RAPGEF5: variants seen among roughly 807,000 people sequenced by gnomAD.
The protein encoded by RAPGEF5 is Rap guanine nucleotide exchange factor 5, also known as M-Ras-regulated GEF.
RAPGEF5 carries 65 observed loss-of-function variants against 125.2 expected under a neutral mutation model. That is an observed-to-expected ratio of 0.52 (90% CI 0.43 to 0.64). The LOEUF (loss-of-function observed/expected upper bound fraction) is 0.64. Among genes scored for constraint, RAPGEF5 ranks in the 30% least tolerant of loss-of-function variants. The pLI, the probability that RAPGEF5 is intolerant of heterozygous loss-of-function variation, is 0.00. For synonymous variants in RAPGEF5, 391 were observed against 385.9 expected, an observed-to-expected ratio of 1.01 and a Z score of -0.16; for missense variants, 958 against 1,048.1, an observed-to-expected ratio of 0.91 and a Z score of 1.19.
chr7:22,308,351 C>T lies in RAPGEF5; in HGVS notation c.668G>A (p.Gly223Asp). 1 of 1,586,824 alleles carries T rather than the reference C, an allele frequency of 6.3e-7. No individual in the cohort carries two copies. Among genetic ancestry groups the T allele is most frequent in the Non-Finnish European group, 8.6e-7 (1 of 1,165,362 alleles). ...QLVPLIPARGGICELSHQKIE... is the reference protein window; with the variant it reads ...QLVPLIPARGDICELSHQKIE... Reference sequence around the variant, plus strand: ...AGCATCTACTTACAGTTCACAGATGCCACCTCTGGCAGGAATGAGAGGCAC... The same window carrying T: ...AGCATCTACTTACAGTTCACAGATGTCACCTCTGGCAGGAATGAGAGGCAC... The change falls in exon 5 of 26, where the codon GGC becomes GAC. Residue 223 changes from glycine (G) to aspartate (D), a missense_variant. Physicochemically the swap from Gly to Asp is moderately conservative, Grantham distance 94 (BLOSUM62 -1). Coordinates refer to ENST00000665637, the MANE Select transcript of RAPGEF5 (RefSeq NM_012294.5).
At chr7:22,252,714 C>T (rs901837170) in intron 7 of RAPGEF5, among the ~76,000 whole-genome samples, 6 of 152,118 alleles carry the variant, frequency 3.9e-5, no homozygotes, top group Non-Finnish European at 8.8e-5. Context: ...GACTTAATAG[C>T]TCTAATTACA....
At chr7:22,324,693 C>A (rs145499812) in intron 1 of RAPGEF5, among the ~76,000 whole-genome samples, 1 of 152,156 alleles carries the variant, frequency 6.6e-6, no homozygotes, top group Non-Finnish European at 1.5e-5. Context: ...ACATTTATTT[C>A]TTTTCTGAAA....
chr7:22,192,919 A>C (rs1785039928), intron 11 of RAPGEF5: 1 of 180,304 alleles, frequency 5.5e-6, no homozygotes. Context: ...GTTGCCACTA[A>C]GCATGTAGCT....
chr7:22,233,236 T>A (rs951681716), intron 7 of RAPGEF5, among the ~76,000 whole-genome samples: 5 of 152,194 alleles, frequency 3.3e-5, no homozygotes, highest in African/African-American at 1.2e-4. Context: ...TTCCTCATCC[T>A]GGAATGCAGA....
At position 22,131,029 on chromosome 7, in the gene RAPGEF5, T is replaced by G. The variant is rs2128099691; in HGVS notation, c.2481+8A>C. The G allele has an allele frequency of 1.3e-6, 2 of 1,541,904 alleles. No homozygotes were observed. Among genetic ancestry groups the G allele is most frequent in the East Asian group, 4.9e-5 (2 of 40,706 alleles). ...GTAAAAAAGGGAGAAGTAATGAAATTTACGTACCAGCTTTTCAAAATTGAC... is the reference window on the plus strand; with the variant it reads ...GTAAAAAAGGGAGAAGTAATGAAATGTACGTACCAGCTTTTCAAAATTGAC... On this transcript the variant is annotated splice_region_variant and intron_variant, in intron 24 of 25. Transcript: ENST00000665637.
In RAPGEF5 at chr7:22,140,038, G is replaced by C. The variant is rs1163112935; in HGVS notation, c.2264C>G (p.Ser755Trp). 1 of 1,565,954 alleles carries C rather than the reference G, an allele frequency of 6.4e-7. No homozygotes were observed. The highest frequency in any genetic ancestry group is 1.4e-5 in the African/African-American group (1 of 73,588). Reference protein sequence around the residue: ...GLNTASVSRLSQTWEKIPGKF... With the variant: ...GLNTASVSRLWQTWEKIPGKF... ...TCCAAGGCTCACCTCCCAGGTCTGC[G>C]ACAGTCGACTGACAGAAGCAGTGTT... The change falls in exon 21 of 26, where the codon TCG becomes TGG. Residue 755 changes from serine to tryptophan, a missense_variant. Coordinates refer to ENST00000665637, the MANE Select transcript of RAPGEF5 (RefSeq NM_012294.5).
chr7:22,344,253 C>T (rs1399021922), intron 1 of RAPGEF5, among the ~76,000 whole-genome samples: 2 of 152,196 alleles, frequency 1.3e-5, no homozygotes, highest in Non-Finnish European at 2.9e-5. Context: ...CCCACTGTCA[C>T]ATTTTCTAGC....
At chr7:22,193,865 G>C in intron 10 of RAPGEF5, 50 bp downstream of exon 10, 1 of 1,611,952 alleles carries the variant, frequency 6.2e-7, no homozygotes. Context: ...AGGCAGGCAG[G>C]GAAAAGGAAA....
intron 5 of RAPGEF5, among the ~76,000 whole-genome samples, chr7:22,306,616 G>A (rs554457930): frequency 1.6e-4 from 24 of 152,204 alleles, no homozygotes; most frequent in South Asian, 1.0e-3. Flanking sequence ...CTGTGCTTGT[G>A]GAGTATTGCT....
chr7:22,228,342 T>C (rs1399385280), intron 8 of RAPGEF5, among the ~76,000 whole-genome samples: 1 of 152,016 alleles, frequency 6.6e-6, no homozygotes, highest in African/African-American at 2.4e-5. Flanking sequence ...TCCTGGAGGG[T>C]TTGCTGTGAT....
At chr7:22,269,468 G>A (rs953751797) in intron 6 of RAPGEF5, among the ~76,000 whole-genome samples, 4 of 152,164 alleles carry the variant, frequency 2.6e-5, no homozygotes, top group African/African-American at 9.7e-5. Flanking sequence ...CCCACAAGAG[G>A]TGGTTGAAGA....
chr7:22,295,210 A>G (rs541679451), intron 5 of RAPGEF5, among the ~76,000 whole-genome samples: 21 of 152,356 alleles, frequency 1.4e-4, no homozygotes, highest in African/African-American at 4.8e-4. Context: ...CTTTGATATC[A>G]TGAATACAAA....
rs796915984 is a variant in RAPGEF5 at position 22,298,184 on chromosome 7, T to G, written c.681-6943A>C. Among the ~76,000 whole-genome samples the G allele has an allele frequency of 8.8e-4, 133 of 151,318 alleles. 1 individual carries two copies. In the East Asian group the frequency reaches 0.023, roughly 26 times the overall value. On this transcript the variant is annotated intron_variant, in intron 5 of 25. Coordinates refer to ENST00000665637, the MANE Select transcript of RAPGEF5 (RefSeq NM_012294.5). ...AGTCATATTGTTCTGTTTTTTGTTTTTTTTTTTTTTGAGACGGAGTTTCAC... is the reference window on the plus strand; with the variant it reads ...AGTCATATTGTTCTGTTTTTTGTTTGTTTTTTTTTTGAGACGGAGTTTCAC...
intron 8 of RAPGEF5, among the ~76,000 whole-genome samples, chr7:22,228,551 AGGCTGGAGTGCAAT>A (rs141655551): frequency 0.046 from 7,053 of 152,144 alleles, 539 homozygotes; most frequent in African/African-American, 0.16. Context: ...CCTGTCACCC[AGGCTGGAGTGCAAT>A]GGCAGGATTT....
In RAPGEF5 at chr7:22,154,399, C is replaced by T. The variant is rs1783731592; in HGVS notation, c.1786+56G>A. The T allele has an allele frequency of 7.1e-5, 112 of 1,586,588 alleles. 3 individuals are homozygous for T. In the South Asian group the frequency reaches 1.1e-3, roughly 16 times the overall value. ...TTTACTCTACAAAAATGTCACCTCC[C>T]TCCTTTTGAAGGAGATCAGTGAAAG... On this transcript the variant is annotated intron_variant, in intron 17 of 25. Transcript: ENST00000665637.
intron 9 of RAPGEF5, among the ~76,000 whole-genome samples, chr7:22,213,336 C>G (rs565447037): frequency 1.3e-5 from 2 of 152,150 alleles, no homozygotes; most frequent in African/African-American, 2.4e-5. Context: ...ACTTGTAAAC[C>G]TTGTTCCTAA....
intron 24 of RAPGEF5, 83 bp downstream of exon 24, chr7:22,130,954 A>G: frequency 6.7e-7 from 1 of 1,502,770 alleles, no homozygotes; most frequent in South Asian, 1.3e-5. Flanking sequence ...AAAAGTACTA[A>G]AACTATTTAT....
intron 9 of RAPGEF5, among the ~76,000 whole-genome samples, chr7:22,216,070 A>C (rs901678064): frequency 2.6e-5 from 4 of 152,202 alleles, no homozygotes; most frequent in East Asian, 1.9e-4. Flanking sequence ...GAATTCTGTC[A>C]ATTTTACTGT....
At chr7:22,297,116 G>C (rs1356990066) in intron 5 of RAPGEF5, among the ~76,000 whole-genome samples, 2 of 152,168 alleles carry the variant, frequency 1.3e-5, no homozygotes, top group Non-Finnish European at 2.9e-5. Flanking sequence ...CAGAGACATT[G>C]TGCAGCAGCT....
Sources: allele counts gnomAD v4.1 joint callset (sites outside exome capture counted in the v4.1 genomes callset), GRCh38; gene constraint gnomAD v4.1.1; transcripts MANE v1.5; gene names NCBI Gene and HGNC (gene_info 2026-07-23, HGNC 2026-07-21).